MAMDC2: variants seen among roughly 807,000 people sequenced by gnomAD.
MAMDC2 encodes the protein MAM domain containing 2, also known as MAM domain-containing protein 2.
Under a neutral mutation model 89.8 loss-of-function variants are expected in MAMDC2, and 57 were observed. The observed-to-expected ratio is 0.63, with a 90% CI of 0.51 to 0.79. The LOEUF (loss-of-function observed/expected upper bound fraction) is 0.79, where lower values mean the gene tolerates loss of function less well. Ranked by LOEUF, MAMDC2 falls within the 30% of genes least tolerant of loss-of-function variation. The pLI, the probability that MAMDC2 is intolerant of heterozygous loss-of-function variation, is 0.00. For missense variants in MAMDC2, 800 were observed against 820.6 expected, an observed-to-expected ratio of 0.97 and a Z score of 0.31; for synonymous variants, 313 against 293.4, an observed-to-expected ratio of 1.07 and a Z score of -0.68.
chr9:70,109,894 CAACT>C, intron 4 of MAMDC2, 90 bp downstream of exon 4: 1 of 1,039,404 alleles, frequency 9.6e-7, no homozygotes, highest in Non-Finnish European at 1.5e-6. Flanking sequence ...TCCTAAAGAC[CAACT>C]ATTTTATAGA....
chr9:70,224,666 C>T (rs1298326598), intron 12 of MAMDC2, among the ~76,000 whole-genome samples: 1 of 152,178 alleles, frequency 6.6e-6, no homozygotes, highest in African/African-American at 2.4e-5. Flanking sequence ...GAGGACAGAT[C>T]TTCCTTTCTC....
In MAMDC2 at chr9:70,044,290, G is replaced by T. The variant is rs1004446884; in HGVS notation, c.34+59G>T. ...GCTCTGACGACTCGCCCCCGCTCCTGCTGCCCCCGGGGGTCCGGCTCACCG... is the reference window on the plus strand; with the variant it reads ...GCTCTGACGACTCGCCCCCGCTCCTTCTGCCCCCGGGGGTCCGGCTCACCG... On this transcript the variant is annotated intron_variant, in intron 1 of 13. Transcript: ENST00000377182. 17 of 1,569,738 alleles carry T rather than the reference G, an allele frequency of 1.1e-5. No individual in the cohort carries two copies. The African/African-American group carries it at 1.9e-4, about 17-fold the overall frequency.
chr9:70,137,788 G>A (rs1320015245), intron 7 of MAMDC2, among the ~76,000 whole-genome samples: 1 of 152,146 alleles, frequency 6.6e-6, no homozygotes, highest in African/African-American at 2.4e-5. Context: ...ACACTTGGCT[G>A]CACCGACTGT....
At chr9:70,149,281 C>G (rs1286676673) in intron 9 of MAMDC2, among the ~76,000 whole-genome samples, 1 of 151,430 alleles carries the variant, frequency 6.6e-6, no homozygotes, top group Admixed American at 6.6e-5. Flanking sequence ...TACCTCAAAC[C>G]AGGGAAAGCA....
chr9:70,224,818 CATTTTT>C (rs1299016225), intron 12 of MAMDC2, among the ~76,000 whole-genome samples: 12 of 152,308 alleles, frequency 7.9e-5, no homozygotes, highest in African/African-American at 2.9e-4. Context: ...GGATCCTTAG[CATTTTT>C]ATTAAGAGTA....
chr9:70,059,368 T>C (rs975645220), intron 2 of MAMDC2, among the ~76,000 whole-genome samples: 1 of 151,254 alleles, frequency 6.6e-6, no homozygotes, highest in African/African-American at 2.5e-5. Context: ...GTTTAGATAG[T>C]TTGTTTTAAC....
intron 11 of MAMDC2, among the ~76,000 whole-genome samples, chr9:70,199,902 G>C (rs1191982139): frequency 6.6e-6 from 1 of 151,328 alleles, no homozygotes; most frequent in South Asian, 2.1e-4. Flanking sequence ...GGGGTTGTTT[G>C]TTCTTTTCTT....
chr9:70,194,386 T>A (rs1210917073), intron 11 of MAMDC2: 1 of 152,098 alleles, frequency 6.6e-6, no homozygotes, highest in Non-Finnish European at 1.5e-5. Flanking sequence ...TCCTCCCTTG[T>A]GAATGGGATT....
chr9:70,118,693 C>T (rs995621071), intron 5 of MAMDC2, among the ~76,000 whole-genome samples: 2 of 152,096 alleles, frequency 1.3e-5, no homozygotes, highest in South Asian at 2.1e-4. Flanking sequence ...ATATACCGGA[C>T]GCAGCTTTTG....
At chr9:70,116,945 A>G (rs1230018314) in intron 5 of MAMDC2, among the ~76,000 whole-genome samples, 2 of 152,018 alleles carry the variant, frequency 1.3e-5, no homozygotes, top group Non-Finnish European at 2.9e-5. Context: ...CTATTCTAGA[A>G]TACTTCCCCA....
intron 11 of MAMDC2, chr9:70,171,962 C>G (rs915840065): frequency 2.0e-5 from 3 of 151,402 alleles, no homozygotes; most frequent in Non-Finnish European, 3.0e-5. Flanking sequence ...TGATCTAACT[C>G]AAGATAAGCC....
chr9:70,159,621 G>A (rs2031894947), intron 9 of MAMDC2, among the ~76,000 whole-genome samples: 1 of 152,198 alleles, frequency 6.6e-6, no homozygotes, highest in African/African-American at 2.4e-5. Context: ...GGCAAGAGGA[G>A]GACCTAGATT....
At chr9:70,124,149 G>C (rs1470247689) in intron 5 of MAMDC2, among the ~76,000 whole-genome samples, 2 of 152,170 alleles carry the variant, frequency 1.3e-5, no homozygotes, top group Non-Finnish European at 2.9e-5. Flanking sequence ...GAACATGGGG[G>C]TGAGGGGCCA....
intron 2 of MAMDC2, among the ~76,000 whole-genome samples, chr9:70,100,002 GAGAGAGAGA>G (rs781516833): frequency 2.0e-5 from 3 of 148,258 alleles, no homozygotes; most frequent in African/African-American, 7.8e-5. Context: ...GAGAGAGAGA[GAGAGAGAGA>G]GAGAGAGAGA....
chr9:70,097,145 C>T (rs980011540), intron 2 of MAMDC2, among the ~76,000 whole-genome samples: 2 of 152,128 alleles, frequency 1.3e-5, no homozygotes, highest in African/African-American at 4.8e-5. Context: ...CCATTTCCAT[C>T]CTAAGTGGCA....
chr9:70,213,536 T>C (rs917951935), intron 11 of MAMDC2, among the ~76,000 whole-genome samples: 4 of 152,212 alleles, frequency 2.6e-5, no homozygotes, highest in Non-Finnish European at 5.9e-5. Context: ...TATACTATGG[T>C]CATTTTCATG....
intron 9 of MAMDC2, chr9:70,148,030 G>A (rs2031462097): frequency 6.7e-6 from 1 of 150,338 alleles, no homozygotes; most frequent in Non-Finnish European, 1.5e-5. Context: ...CAGCTGTAGA[G>A]TTATCGTGCT....
chr9:70,049,921 A>G (rs1452831785), intron 2 of MAMDC2, among the ~76,000 whole-genome samples: 1 of 151,854 alleles, frequency 6.6e-6, no homozygotes, highest in Non-Finnish European at 1.5e-5. Context: ...CTCCTCCTAC[A>G]CAGACCAAGT....
At chr9:70,072,546 C>T (rs1827432857) in intron 2 of MAMDC2, among the ~76,000 whole-genome samples, 1 of 152,124 alleles carries the variant, frequency 6.6e-6, no homozygotes, top group African/African-American at 2.4e-5. Context: ...ATTGAATCCT[C>T]ACAACAAATC....
Sources: allele counts gnomAD v4.1 joint callset (sites outside exome capture counted in the v4.1 genomes callset), GRCh38; gene constraint gnomAD v4.1.1; transcripts MANE v1.5; gene names NCBI Gene and HGNC (gene_info 2026-07-23, HGNC 2026-07-21).